Variants in TMEM150C observed in about 807,000 individuals in gnomAD.
TMEM150C encodes the protein tentonin 3.
Under a neutral mutation model 29.9 loss-of-function variants are expected in TMEM150C, and 10 were observed. That is an observed-to-expected ratio of 0.33 (90% CI 0.21 to 0.57). The LOEUF (loss-of-function observed/expected upper bound fraction) is 0.57. Ranked by LOEUF, TMEM150C falls within the 20% of genes least tolerant of loss-of-function variation. TMEM150C has a pLI of 0.88. For synonymous variants in TMEM150C, 101 were observed against 112.5 expected, an observed-to-expected ratio of 0.90 and a Z score of 0.64; for missense variants, 251 against 303.6, an observed-to-expected ratio of 0.83 and a Z score of 1.29.
At chr4:82,513,292 C>T (rs1724189618) in intron 1 of TMEM150C, among the ~76,000 whole-genome samples, 1 of 152,124 alleles carries the variant, frequency 6.6e-6, no homozygotes, top group Non-Finnish European at 1.5e-5. Context: ...GATACCCAGG[C>T]AAACAGGGTC....
intron 1 of TMEM150C, among the ~76,000 whole-genome samples, chr4:82,543,175 C>G (rs1221797664): frequency 1.3e-5 from 2 of 152,214 alleles, no homozygotes; most frequent in Non-Finnish European, 2.9e-5. Context: ...GCTCTTAACA[C>G]TACACTCTGC....
chr4:82,562,084 C>G, upstream of TMEM150C: 6 of 1,183,620 alleles, frequency 5.1e-6, no homozygotes, highest in Non-Finnish European at 6.4e-6. Flanking sequence ...TTCTGGGGTC[C>G]CCGCTGCTAG....
chr4:82,541,485 A>G (rs1725200728), intron 1 of TMEM150C, among the ~76,000 whole-genome samples: 1 of 152,192 alleles, frequency 6.6e-6, no homozygotes, highest in South Asian at 2.1e-4. Context: ...GATTATAATG[A>G]TGGATGTACT....
At chr4:82,553,111 C>T (rs1403087285) in intron 1 of TMEM150C, among the ~76,000 whole-genome samples, 1 of 152,162 alleles carries the variant, frequency 6.6e-6, no homozygotes, top group Admixed American at 6.5e-5. Context: ...GTCTCTGTTC[C>T]AGTTACTCAA....
At chr4:82,518,110 G>A (rs1170368929) in intron 1 of TMEM150C, among the ~76,000 whole-genome samples, 2 of 152,114 alleles carry the variant, frequency 1.3e-5, no homozygotes, top group Non-Finnish European at 2.9e-5. Flanking sequence ...GAGGTCAGGA[G>A]TTCGAGACCA....
intron 1 of TMEM150C, among the ~76,000 whole-genome samples, chr4:82,558,024 C>T (rs752910806): frequency 1.3e-5 from 2 of 152,106 alleles, no homozygotes; most frequent in African/African-American, 2.4e-5. Context: ...AGACACTGCA[C>T]GTGGCCTCAC....
chr4:82,492,080 C>T (rs779171629), intron 6 of TMEM150C, among the ~76,000 whole-genome samples: 14 of 151,430 alleles, frequency 9.2e-5, no homozygotes, highest in Non-Finnish European at 1.3e-4. Context: ...GGATTACAGG[C>T]GTGAGCCACC....
In TMEM150C at chr4:82,504,558, T is replaced by A; in HGVS notation, c.80+20A>T. 6.3e-7 allele frequency: 1 copy of A among 1,599,542 alleles called. No individual in the cohort carries two copies. Among genetic ancestry groups the A allele is most frequent in the Non-Finnish European group, 8.6e-7 (1 of 1,168,288 alleles). ...ACATTGCACCTGAATCCTTAAATAA[T>A]TAAATGAGCAAATACTCACACTATC... On this transcript the variant is annotated intron_variant, in intron 2 of 7. Transcript: ENST00000449862.
chr4:82,503,512 C>T (rs768335207), intron 2 of TMEM150C, among the ~76,000 whole-genome samples: 9 of 152,128 alleles, frequency 5.9e-5, no homozygotes, highest in African/African-American at 2.2e-4. Context: ...AGTGTGGGAA[C>T]GTTCTGTGGT....
intron 1 of TMEM150C, among the ~76,000 whole-genome samples, chr4:82,520,538 T>C (rs1322523315): frequency 2.0e-5 from 3 of 152,182 alleles, no homozygotes; most frequent in Non-Finnish European, 1.5e-5. Flanking sequence ...AACCACTCCT[T>C]GCTACAGCAG....
chr4:82,525,203 C>G (rs1157671069), intron 1 of TMEM150C, among the ~76,000 whole-genome samples: 2 of 152,162 alleles, frequency 1.3e-5, no homozygotes, highest in Non-Finnish European at 2.9e-5. Context: ...AAAATGTACT[C>G]TGCTAGTGAA....
chr4:82,556,565 G>T (rs535759333), intron 1 of TMEM150C, among the ~76,000 whole-genome samples: 1 of 152,312 alleles, frequency 6.6e-6, no homozygotes, highest in South Asian at 2.1e-4. Context: ...TGTAGTTCCA[G>T]CTACTTGGGG....
intron 6 of TMEM150C, chr4:82,494,981 G>T: frequency 1.4e-6 from 1 of 715,690 alleles, no homozygotes. Flanking sequence ...CCTCTTCCCT[G>T]TTTTTCTTAG....
Position 82,515,847 on chromosome 4 carries a change from G to A in TMEM150C, c.-10-11180C>T, listed in dbSNP as rs180889678. On this transcript the variant is annotated intron_variant, in intron 1 of 7. Coordinates refer to ENST00000449862, the MANE Select transcript of TMEM150C (RefSeq NM_001080506.3). ...ACAAACCAAAAAACCAAATCTGTAC[G>A]GCAGCCTGACCACAAGCTAACTGAA... Among the ~76,000 whole-genome samples, 40 of 151,988 alleles carry A rather than the reference G, an allele frequency of 2.6e-4. No individual in the cohort carries two copies. In the East Asian group the frequency reaches 4.1e-3, roughly 15 times the overall value.
chr4:82,496,012 C>T (rs983432485), intron 6 of TMEM150C, 56 bp downstream of exon 6: 4 of 1,608,878 alleles, frequency 2.5e-6, no homozygotes, highest in Admixed American at 3.4e-5. Context: ...TTGATAGTCT[C>T]AGAAGTGAAG....
intron 1 of TMEM150C, among the ~76,000 whole-genome samples, chr4:82,523,195 A>G (rs777198115): frequency 1.3e-5 from 2 of 152,112 alleles, no homozygotes; most frequent in Non-Finnish European, 2.9e-5. Flanking sequence ...GAAAGGCAGA[A>G]GGAAGAGGCT....
chr4:82,557,753 A>G (rs1277126088), intron 1 of TMEM150C, among the ~76,000 whole-genome samples: 5 of 102,902 alleles, frequency 4.9e-5, no homozygotes, highest in Admixed American at 1.1e-4. Flanking sequence ...TTTTTTTTTG[A>G]TATGGAGTCT....
chr4:82,548,315 AC>A (rs1432218475), intron 1 of TMEM150C, among the ~76,000 whole-genome samples: 1 of 152,194 alleles, frequency 6.6e-6, no homozygotes, highest in African/African-American at 2.4e-5. Context: ...TTGGACATGT[AC>A]CTCCTAAACA....
At chr4:82,521,887 G>A (rs545188772) in intron 1 of TMEM150C, among the ~76,000 whole-genome samples, 136 of 152,150 alleles carry the variant, frequency 8.9e-4, no homozygotes, top group African/African-American at 3.0e-3. Flanking sequence ...AAGTGAAGGT[G>A]GTGCTTAGAG....
Sources: gnomAD v4.1 joint callset for allele counts (sites outside exome capture counted in the v4.1 genomes callset) on GRCh38, gnomAD v4.1.1 for gene constraint, MANE v1.5 for transcripts, NCBI Gene and HGNC (gene_info 2026-07-23, HGNC 2026-07-21) for gene names.